Variants in PAK1 observed in about 807,000 individuals in gnomAD.
The protein encoded by PAK1 is serine/threonine-protein kinase PAK 1.
Under a neutral mutation model 67.4 loss-of-function variants are expected in PAK1, and 29 were observed. The ratio of observed to expected loss-of-function variants is 0.43; its 90% CI spans 0.32 to 0.59. The LOEUF is 0.59. PAK1 is among the 20% of genes least tolerant of loss of function. The pLI is 0.07. For synonymous variants in PAK1, 223 were observed against 237.4 expected (o/e 0.94, Z 0.56); for missense variants, 337 against 670.7 (o/e 0.50, Z 5.50).
the PAK1 span, among the ~76,000 whole-genome samples, chr11:77,497,618 A>G: frequency 6.6e-6 from 1 of 152,210 alleles, no homozygotes; most frequent in Non-Finnish European, 1.5e-5. Flanking sequence ...TATTTCTATC[A>G]AGTGATGAAT....
At chr11:77,423,569 A>C (rs1955397866) in intron 1 of PAK1, among the ~76,000 whole-genome samples, 1 of 152,184 alleles carries the variant, frequency 6.6e-6, no homozygotes, top group Admixed American at 6.5e-5. Flanking sequence ...CTGGAAGCCA[A>C]AACCAAAATT....
intron 8 of PAK1, among the ~76,000 whole-genome samples, chr11:77,350,685 G>T (rs1174893237): frequency 6.6e-6 from 1 of 152,168 alleles, no homozygotes; most frequent in Non-Finnish European, 1.5e-5. Flanking sequence ...AAAGTCATGT[G>T]TAAGCATGCC....
intron 1 of PAK1, among the ~76,000 whole-genome samples, chr11:77,444,138 T>A (rs1166032158): frequency 6.6e-6 from 1 of 152,102 alleles, no homozygotes; most frequent in Admixed American, 6.6e-5. Context: ...ATAATATACC[T>A]AGATTTCCTT....
In PAK1 at chr11:77,473,832, G is replaced by A. The variant is rs1461629277; in HGVS notation, c.-302C>T. 6.6e-6 allele frequency: 1 copy of A among 152,166 alleles called. No homozygotes were observed. Among genetic ancestry groups the A allele is most frequent in the Non-Finnish European group, 1.5e-5 (1 of 68,228 alleles). The allele number at this position is 152,166 out of a possible 1,614,324, so 9.4% of individuals were successfully genotyped here. A position where few individuals can be genotyped will look rare whatever the true frequency, so the allele number is the denominator to read the frequency against. On this transcript the variant is annotated 5_prime_UTR_variant, in exon 1 of 15. Transcript: ENST00000356341. ...GCTCAGATGGCCTCTGAGGCAGGAG[G>A]TGGTAACTGGATGCGGAGACCAGGT...
chr11:77,521,829 C>T, the PAK1 span, among the ~76,000 whole-genome samples: 8 of 152,290 alleles, frequency 5.3e-5, no homozygotes, highest in Admixed American at 1.3e-4. Context: ...AATATTGATC[C>T]GGATTTCTAC....
intron 3 of PAK1, among the ~76,000 whole-genome samples, chr11:77,379,622 T>C (rs569315913): frequency 2.0e-5 from 3 of 152,304 alleles, no homozygotes; most frequent in East Asian, 1.9e-4. Context: ...GATGGTAGGA[T>C]AGGATGTTGT....
chr11:77,364,728 G>A (rs1241942849), intron 5 of PAK1, among the ~76,000 whole-genome samples: 7 of 152,226 alleles, frequency 4.6e-5, no homozygotes, highest in South Asian at 4.2e-4. Flanking sequence ...GTCCCCAAAT[G>A]TTGGCTTTAG....
chr11:77,489,197 T>C, the PAK1 span, among the ~76,000 whole-genome samples: 4 of 152,318 alleles, frequency 2.6e-5, no homozygotes, highest in East Asian at 3.9e-4. Context: ...TAGAATAGTA[T>C]ATGCAGTGAA....
upstream of PAK1, among the ~76,000 whole-genome samples, chr11:77,479,064 G>A (rs1021504671): frequency 1.5e-4 from 23 of 149,842 alleles, no homozygotes; most frequent in Non-Finnish European, 2.5e-4. Context: ...CAGCCTAGGC[G>A]GCCGAGCAAG....
chr11:77,462,518 CAAAT>C (rs1182560796), intron 1 of PAK1, among the ~76,000 whole-genome samples: 1 of 151,676 alleles, frequency 6.6e-6, no homozygotes, highest in Non-Finnish European at 1.5e-5. Flanking sequence ...TTAAGAAAAT[CAAAT>C]AACAGTTCTT....
chr11:77,505,436 A>T, the PAK1 span, among the ~76,000 whole-genome samples: 2 of 152,020 alleles, frequency 1.3e-5, no homozygotes, highest in Non-Finnish European at 2.9e-5. Flanking sequence ...GATCCACCCA[A>T]CTTGGCCTCC....
chr11:77,330,325 G>A (rs9667941), intron 14 of PAK1, among the ~76,000 whole-genome samples: 10,851 of 151,854 alleles, frequency 0.071, 1,317 homozygotes, highest in African/African-American at 0.25. Flanking sequence ...CCGCATCGCC[G>A]AGTCAATCCT....
chr11:77,357,470 C>T (rs1049432487), intron 6 of PAK1, among the ~76,000 whole-genome samples: 1 of 152,178 alleles, frequency 6.6e-6, no homozygotes, highest in Non-Finnish European at 1.5e-5. Flanking sequence ...ACTTCCATGC[C>T]TTGTCCTCTT....
At chr11:77,418,514 A>G (rs1416063820) in intron 1 of PAK1, among the ~76,000 whole-genome samples, 1 of 152,226 alleles carries the variant, frequency 6.6e-6, no homozygotes, top group Non-Finnish European at 1.5e-5. Flanking sequence ...ATTGAGCTTC[A>G]GCAGCCAAAA....
intron 1 of PAK1, among the ~76,000 whole-genome samples, chr11:77,417,869 G>T (rs1955055709): frequency 6.6e-6 from 1 of 151,784 alleles, no homozygotes; most frequent in Non-Finnish European, 1.5e-5. Flanking sequence ...CGAGTAGCTG[G>T]GATTACAGGT....
upstream of PAK1, among the ~76,000 whole-genome samples, chr11:77,477,590 A>G (rs1958073522): frequency 1.3e-5 from 2 of 150,766 alleles, no homozygotes; most frequent in African/African-American, 2.5e-5. Flanking sequence ...ACCCAAATAC[A>G]AAAAATTAGC....
At chr11:77,467,988 A>C (rs1332454674) in intron 1 of PAK1, among the ~76,000 whole-genome samples, 1 of 152,214 alleles carries the variant, frequency 6.6e-6, no homozygotes, top group Non-Finnish European at 1.5e-5. Flanking sequence ...TGGACCTTAA[A>C]GATATAGGCA....
chr11:77,347,115 C>A, intron 9 of PAK1: 1 of 455,708 alleles, frequency 2.2e-6, no homozygotes, highest in Non-Finnish European at 4.4e-6. Flanking sequence ...GACCACACTG[C>A]ATTAGCCACC....
intron 1 of PAK1, among the ~76,000 whole-genome samples, chr11:77,455,320 T>G (rs1345983768): frequency 6.6e-6 from 1 of 151,376 alleles, no homozygotes; most frequent in Admixed American, 6.6e-5. Flanking sequence ...AAAAAAACAT[T>G]ACTTCTCAGA....
Sources: allele counts gnomAD v4.1 joint callset (sites outside exome capture counted in the v4.1 genomes callset), GRCh38; gene constraint gnomAD v4.1.1; transcripts MANE v1.5; gene names NCBI Gene and HGNC (gene_info 2026-07-23, HGNC 2026-07-21).